Variants in HNRNPC observed in about 807,000 individuals in gnomAD.
HNRNPC encodes heterogeneous nuclear ribonucleoprotein C, also known as heterogeneous nuclear ribonucleoproteins C1/C2.
HNRNPC carries 3 observed loss-of-function variants against 33.2 expected under a neutral mutation model. That is an observed-to-expected ratio of 0.09 (90% CI 0.04 to 0.23). HNRNPC has a LOEUF of 0.23. Among genes scored for constraint, HNRNPC ranks in the 10% least tolerant of loss-of-function variants. The pLI is 1.00. For missense variants in HNRNPC, 143 were observed against 366.7 expected (o/e 0.39, Z 4.98); for synonymous variants, 121 against 126.7 (o/e 0.96, Z 0.30).
At chr14:21,240,149 T>C (rs970191839) in intron 2 of HNRNPC, among the ~76,000 whole-genome samples, 1 of 152,176 alleles carries the variant, frequency 6.6e-6, no homozygotes, top group Non-Finnish European at 1.5e-5. Context: ...ATAAAAGCGA[T>C]ACAAGATTTT....
chr14:21,255,761 G>T (rs1252402799), intron 2 of HNRNPC, among the ~76,000 whole-genome samples: 1 of 152,198 alleles, frequency 6.6e-6, no homozygotes, highest in African/African-American at 2.4e-5. Flanking sequence ...TTTGGCATAT[G>T]TATTTCTGGA....
chr14:21,264,618 C>A (rs752385346), intron 1 of HNRNPC: 2 of 152,156 alleles, frequency 1.3e-5, no homozygotes, highest in Non-Finnish European at 2.9e-5. Context: ...GTTGTTTCAT[C>A]AGCTAAAATA....
intron 1 of HNRNPC, among the ~76,000 whole-genome samples, chr14:21,267,599 C>T (rs966401271): frequency 6.6e-6 from 1 of 152,098 alleles, no homozygotes; most frequent in Non-Finnish European, 1.5e-5. Context: ...TTCAACTTTT[C>T]CCCCTAGCCA....
rs1894054601 is a variant in HNRNPC, at chr14:21,231,044, C to T, written c.270G>A (p.Val90=). Residue 90 remains valine, a synonymous_variant, in exon 4 of 9, where the codon GTG becomes GTA. Transcript: ENST00000553300. ...LDINLAAEPK[V]NRGKAGVKRS... ...GTTTCACACCTGCTTTTCCTCGGTT[C>T]ACTTTTGGCTCTGCAGCCAGGTTAA... is the stretch of plus-strand genomic sequence containing the variant. 2 of 1,614,068 alleles carry T rather than the reference C, an allele frequency of 1.2e-6. No individual in the cohort carries two copies. The highest frequency in any genetic ancestry group is 1.3e-5 in the African/African-American group (1 of 74,926).
chr14:21,250,699 T>C (rs903940609), intron 2 of HNRNPC, among the ~76,000 whole-genome samples: 5 of 152,226 alleles, frequency 3.3e-5, no homozygotes, highest in African/African-American at 1.2e-4. Context: ...ATTTCCAATG[T>C]AAAGTAAATG....
At chr14:21,257,693 C>A (rs944781595) in intron 2 of HNRNPC, among the ~76,000 whole-genome samples, 2 of 152,158 alleles carry the variant, frequency 1.3e-5, no homozygotes, top group African/African-American at 4.8e-5. Flanking sequence ...TCAATTAATT[C>A]TACCGCCTCA....
At chr14:21,253,312 T>TA (rs369876564) in intron 2 of HNRNPC, among the ~76,000 whole-genome samples, 22,624 of 133,006 alleles carry the variant, frequency 0.17, 2,122 homozygotes, top group South Asian at 0.24. Context: ...CCATCTCTAC[T>TA]AAAAAAAAAA....
At chr14:21,229,656 T>C (rs567369234) in intron 5 of HNRNPC, among the ~76,000 whole-genome samples, 59 of 152,330 alleles carry the variant, frequency 3.9e-4, no homozygotes, top group Non-Finnish European at 6.8e-4. Context: ...ACAACTCCCA[T>C]GCATGACTGA....
At chr14:21,230,027 T>A (rs1258343787) in intron 5 of HNRNPC, among the ~76,000 whole-genome samples, 1 of 152,184 alleles carries the variant, frequency 6.6e-6, no homozygotes, top group African/African-American at 2.4e-5. Context: ...CTAAATCTGT[T>A]ACCCAAAGCC....
rs2139751185 is a variant in HNRNPC, at chr14:21,245,337, A to T, written c.-36-11108T>A. Among the ~76,000 whole-genome samples, 3 of 152,094 alleles carry T rather than the reference A, an allele frequency of 2.0e-5. No individual in the cohort carries two copies. In the South Asian group the frequency reaches 6.2e-4, roughly 32 times the overall value. ...ATGGAGAAACCGCGTCTCTACTAAAAATACAAAAATTAGCCAAGCGTGGTG... is the reference window on the plus strand; with the variant it reads ...ATGGAGAAACCGCGTCTCTACTAAATATACAAAAATTAGCCAAGCGTGGTG... On this transcript the variant is annotated intron_variant, in intron 2 of 8. Transcript: ENST00000553300.
chr14:21,262,726 G>A (rs959335841), intron 2 of HNRNPC: 7 of 152,184 alleles, frequency 4.6e-5, no homozygotes, highest in African/African-American at 1.7e-4. Flanking sequence ...GTAGTGTACA[G>A]GAAAAGCAGG....
chr14:21,268,911 A>C (rs922394314), intron 1 of HNRNPC, among the ~76,000 whole-genome samples: 1 of 151,024 alleles, frequency 6.6e-6, no homozygotes, highest in Non-Finnish European at 1.5e-5. Flanking sequence ...CCCCTCCCCC[A>C]CTTTTTACAT....
At chr14:21,231,531 T>TG (rs1239770712) in intron 3 of HNRNPC, 2 of 389,852 alleles carry the variant, frequency 5.1e-6, no homozygotes, top group Admixed American at 2.9e-5. Flanking sequence ...GACGAACTCT[T>TG]GGGGTCACGT....
At chr14:21,259,407 A>T (rs12185018) in intron 2 of HNRNPC, among the ~76,000 whole-genome samples, 23,232 of 152,154 alleles carry the variant, frequency 0.15, 2,266 homozygotes, top group South Asian at 0.23. Flanking sequence ...GGCAGGGGAC[A>T]TGTTTTGTTC....
chr14:21,228,854 G>C (rs1386441939), intron 5 of HNRNPC, among the ~76,000 whole-genome samples: 1 of 145,598 alleles, frequency 6.9e-6, no homozygotes, highest in Non-Finnish European at 1.5e-5. Flanking sequence ...GGAGGTCAAG[G>C]CGAGTAGATC....
At chr14:21,256,045 C>T (rs971090771) in intron 2 of HNRNPC, among the ~76,000 whole-genome samples, 9 of 152,238 alleles carry the variant, frequency 5.9e-5, no homozygotes, top group Admixed American at 1.3e-4. Flanking sequence ...ATATTAACAG[C>T]AAGGGAAGGG....
intron 2 of HNRNPC, among the ~76,000 whole-genome samples, chr14:21,239,516 G>T (rs1173812083): frequency 6.6e-6 from 1 of 151,856 alleles, no homozygotes; most frequent in African/African-American, 2.4e-5. Flanking sequence ...AACCTTAGGT[G>T]CTATTTCTTT....
chr14:21,244,234 G>A (rs1209253183), intron 2 of HNRNPC, among the ~76,000 whole-genome samples: 1 of 152,148 alleles, frequency 6.6e-6, no homozygotes, highest in Admixed American at 6.6e-5. Flanking sequence ...CCTGACCTCA[G>A]GTGATCCGCC....
At chr14:21,249,653 T>C (rs996623551) in intron 2 of HNRNPC, among the ~76,000 whole-genome samples, 3 of 149,218 alleles carry the variant, frequency 2.0e-5, no homozygotes, top group East Asian at 2.0e-4. Flanking sequence ...TCACTGAACA[T>C]TGTATTACAT....
Sources: allele counts gnomAD v4.1 joint callset (sites outside exome capture counted in the v4.1 genomes callset), GRCh38; gene constraint gnomAD v4.1.1; transcripts MANE v1.5; gene names NCBI Gene and HGNC (gene_info 2026-07-23, HGNC 2026-07-21).